MAPT: variants seen among roughly 807,000 people sequenced by gnomAD.
MAPT encodes microtubule-associated protein tau.
MAPT carries 34 observed loss-of-function variants against 67.9 expected under a neutral mutation model. That is an observed-to-expected ratio of 0.50 (90% CI 0.38 to 0.67). The LOEUF (loss-of-function observed/expected upper bound fraction) is 0.67, where lower values mean the gene tolerates loss of function less well. Ranked by LOEUF, MAPT falls within the 30% of genes least tolerant of loss-of-function variation. The pLI, the probability that MAPT is intolerant of heterozygous loss-of-function variation, is 0.00. For synonymous variants in MAPT, 456 were observed against 464.5 expected (o/e 0.98, Z 0.23); for missense variants, 881 against 1,115.2 (o/e 0.79, Z 2.99).
intron 4 of MAPT, 49 bp downstream of exon 4, chr17:45,978,489 A>T (rs948599249): frequency 1.5e-6 from 2 of 1,335,132 alleles, no homozygotes; most frequent in Admixed American, 3.4e-5. Flanking sequence ...GGGGGGAGGG[A>T]CATGGGGTGG....
intron 5 of MAPT, among the ~76,000 whole-genome samples, chr17:45,986,764 C>T (rs1182062350): frequency 6.6e-6 from 1 of 152,224 alleles, no homozygotes; most frequent in Non-Finnish European, 1.5e-5. Context: ...GTCCCCGTGA[C>T]AGTTTCTGCT....
At chr17:45,977,082 G>C (rs1219449895) in intron 3 of MAPT, 2 of 153,100 alleles carry the variant, frequency 1.3e-5, no homozygotes, top group Non-Finnish European at 2.9e-5. Context: ...GGGTAGCGCA[G>C]TGTCGGCTGG....
chr17:45,931,112 C>T (rs1437045485), intron 1 of MAPT, among the ~76,000 whole-genome samples: 1 of 152,166 alleles, frequency 6.6e-6, no homozygotes, highest in East Asian at 1.9e-4. Context: ...GGGGAAAAGT[C>T]ATCCTCATTC....
intron 6 of MAPT, among the ~76,000 whole-genome samples, chr17:45,987,672 C>T (rs900540531): frequency 5.3e-5 from 8 of 152,218 alleles, no homozygotes; most frequent in African/African-American, 1.9e-4. Flanking sequence ...TCTGAAACAC[C>T]TGAATTTTAA....
chr17:45,904,188 G>GTATATATTATATATCTAATATATTA (rs2064035279), intron 1 of MAPT, among the ~76,000 whole-genome samples: 2 of 25,118 alleles, frequency 8.0e-5, no homozygotes, highest in African/African-American at 2.8e-4. Flanking sequence ...ATAATATATT[G>GTATATATTATATATCTAATATATTA]TATATATTAT....
intron 1 of MAPT, chr17:45,898,791 T>C (rs1403973505): frequency 6.6e-6 from 1 of 152,224 alleles, no homozygotes; most frequent in Non-Finnish European, 1.5e-5. Context: ...AATACAGTGC[T>C]AGACATACAA....
intron 1 of MAPT, among the ~76,000 whole-genome samples, chr17:45,954,264 A>G (rs1440661582): frequency 6.6e-6 from 1 of 152,182 alleles, no homozygotes; most frequent in Non-Finnish European, 1.5e-5. Context: ...TTCCCGCTAC[A>G]ATTACGTTGA....
At chr17:45,973,385 C>T (rs1047151477) in intron 3 of MAPT, 10 of 152,234 alleles carry the variant, frequency 6.6e-5, no homozygotes, top group African/African-American at 2.2e-4. Context: ...TGCCAGACCT[C>T]ATGCCAGCTT....
intron 1 of MAPT, among the ~76,000 whole-genome samples, chr17:45,938,379 A>G (rs12150235): frequency 0.14 from 21,841 of 152,348 alleles, 2,139 homozygotes; most frequent in Middle Eastern, 0.22. Context: ...CAGCAATGGC[A>G]GGATGAGTCC....
intron 1 of MAPT, among the ~76,000 whole-genome samples, chr17:45,926,905 A>G (rs1165529007): frequency 1.3e-5 from 2 of 151,616 alleles, no homozygotes; most frequent in African/African-American, 2.4e-5. Context: ...GAGTGTGTGT[A>G]TGTATGTGTG....
Position 46,023,855 on chromosome 17 carries a change from AAC to A in MAPT, c.2287-99_2287-98del. 4 of 980,522 alleles carry A rather than the reference AAC, an allele frequency of 4.1e-6. No homozygotes were observed. In the South Asian group the frequency reaches 5.2e-5, roughly 13 times the overall value. The allele number at this position is 980,522 out of a possible 1,614,324, so 60.7% of individuals were successfully genotyped here. A position where few individuals can be genotyped will look rare whatever the true frequency, so the allele number is the denominator to read the frequency against. ...GACCCTGTCTCAAAAACAAACAAAA[AAC>A]AGTCCCTGGCACTCTGGGCCAGGCC... On this transcript the variant is annotated intron_variant, in intron 12 of 12. Transcript: ENST00000262410.
intron 12 of MAPT, among the ~76,000 whole-genome samples, chr17:46,021,216 C>T (rs933916626): frequency 5.9e-5 from 9 of 152,238 alleles, no homozygotes; most frequent in African/African-American, 1.2e-4. Context: ...GGCACTGGCC[C>T]GTAGCTGGCC....
intron 3 of MAPT, chr17:45,974,776 G>A: frequency 2.4e-6 from 1 of 419,830 alleles, no homozygotes; most frequent in Non-Finnish European, 4.5e-6. Flanking sequence ...GGGGCAGGTG[G>A]TGGCAGACCC....
At position 45,971,787 on chromosome 17, in the gene MAPT, A is replaced by T; in HGVS notation, c.134-72A>T. 1 of 1,075,368 alleles carries T rather than the reference A, an allele frequency of 9.3e-7. No individual in the cohort carries two copies. Among genetic ancestry groups the T allele is most frequent in the Non-Finnish European group, 1.4e-6 (1 of 691,212 alleles). The allele number at this position is 1,075,368 out of a possible 1,614,324, so 66.6% of individuals were successfully genotyped here. A position where few individuals can be genotyped will look rare whatever the true frequency, so the allele number is the denominator to read the frequency against. On this transcript the variant is annotated intron_variant, in intron 2 of 12. Transcript: ENST00000262410. The surrounding 1 kb of genome is among the most constrained non-coding windows in gnomAD (Gnocchi z 4.3). ...TCAGCTCCACAGGACACTGCTCCCC[A>T]GTTCCTCCTGAGAACAAAAGGGGGC...
chr17:45,904,311 A>T (rs1487549406), intron 1 of MAPT, among the ~76,000 whole-genome samples: 7 of 35,790 alleles, frequency 2.0e-4, no homozygotes, highest in Non-Finnish European at 3.2e-4. Flanking sequence ...ATATATATAA[A>T]AACATATATA....
At chr17:45,902,437 G>T (rs1361166588) in intron 1 of MAPT, among the ~76,000 whole-genome samples, 1 of 152,152 alleles carries the variant, frequency 6.6e-6, no homozygotes, top group Non-Finnish European at 1.5e-5. Context: ...ATTTTGAATG[G>T]GCACAGATGA....
intron 1 of MAPT, among the ~76,000 whole-genome samples, chr17:45,941,218 G>A (rs1052385171): frequency 6.6e-6 from 1 of 152,190 alleles, no homozygotes; most frequent in African/African-American, 2.4e-5. Context: ...ATTTAAGTTT[G>A]AGTCTCCTTT....
At chr17:45,957,856 GAA>G (rs67811127) in intron 1 of MAPT, among the ~76,000 whole-genome samples, 21,769 of 146,660 alleles carry the variant, frequency 0.15, 2,110 homozygotes, top group Non-Finnish European at 0.22. Flanking sequence ...GAATTTGCAG[GAA>G]AAAAAAAAAT....
At position 45,950,657 on chromosome 17, in the gene MAPT, T is replaced by TTTTA. The variant is rs573272603; in HGVS notation, c.-17-11646_-17-11643dup. On this transcript the variant is annotated intron_variant, in intron 1 of 12. Coordinates refer to ENST00000262410, the MANE Select transcript of MAPT (RefSeq NM_001377265.1). ...GTTCCCATACTTTTAATTTTTAAAA[T>TTTTA]TTTATTTATTTATTTATTTATGTAT... Among the ~76,000 whole-genome samples, 627 of 152,152 alleles carry TTTTA rather than the reference T, an allele frequency of 4.1e-3. 5 individuals carry two copies. Among genetic ancestry groups the TTTTA allele is most frequent in the African/African-American group, 0.014 (591 of 41,504 alleles).
Sources: allele counts gnomAD v4.1 joint callset (sites outside exome capture counted in the v4.1 genomes callset), GRCh38; gene constraint gnomAD v4.1.1; non-coding constraint Gnocchi (gnomAD v3.1); transcripts MANE v1.5; gene names NCBI Gene and HGNC (gene_info 2026-07-23, HGNC 2026-07-21).